The following CAP2 variants were observed in gnomAD, a reference collection of about 807,000 sequenced individuals.
CAP2 encodes the protein adenylyl cyclase-associated protein 2.
Under a neutral mutation model 57.7 loss-of-function variants are expected in CAP2, and 24 were observed. That is an observed-to-expected ratio of 0.42 (90% CI 0.30 to 0.58). The LOEUF is 0.58. Ranked by LOEUF, CAP2 falls within the 20% of genes least tolerant of loss-of-function variation. The pLI, the probability that CAP2 is intolerant of heterozygous loss-of-function variation, is 0.22. For missense variants in CAP2, 501 were observed against 590.3 expected, an observed-to-expected ratio of 0.85 and a Z score of 1.57; for synonymous variants, 194 against 207.2, an observed-to-expected ratio of 0.94 and a Z score of 0.55.
chr6:17,534,819 G>A (rs1330129101), intron 7 of CAP2, among the ~76,000 whole-genome samples: 1 of 152,148 alleles, frequency 6.6e-6, no homozygotes, highest in East Asian at 1.9e-4. Context: ...AAATCACCCT[G>A]AGGGGTCGTG....
intron 1 of CAP2, among the ~76,000 whole-genome samples, chr6:17,417,101 CA>C (rs1205353397): frequency 2.1e-5 from 3 of 141,610 alleles, no homozygotes; most frequent in East Asian, 2.1e-4. Context: ...TGTCTCAAAA[CA>C]AAAAACAAAC....
intron 4 of CAP2, among the ~76,000 whole-genome samples, chr6:17,478,666 C>A (rs1761216234): frequency 6.6e-6 from 1 of 152,092 alleles, no homozygotes; most frequent in African/African-American, 2.4e-5. Context: ...TCCTTCACTG[C>A]CTAAAATGTC....
chr6:17,412,536 T>C (rs935117638), intron 1 of CAP2, among the ~76,000 whole-genome samples: 1 of 152,172 alleles, frequency 6.6e-6, no homozygotes, highest in African/African-American at 2.4e-5. Flanking sequence ...GAGTTCTTTT[T>C]CCACTACATT....
chr6:17,431,318 G>T (rs772854969), intron 3 of CAP2, among the ~76,000 whole-genome samples: 1 of 151,918 alleles, frequency 6.6e-6, no homozygotes, highest in Non-Finnish European at 1.5e-5. Context: ...TTTAAAAAAA[G>T]ATATCGTTAA....
chr6:17,520,862 C>T (rs186636824), intron 7 of CAP2, among the ~76,000 whole-genome samples: 4 of 152,322 alleles, frequency 2.6e-5, no homozygotes, highest in Non-Finnish European at 4.4e-5. Context: ...TCATTTAGAA[C>T]TTGTACCAAA....
rs777803474 is a variant in CAP2, at chr6:17,406,398, C to CTTTTTT, written c.-2+12662_-2+12667dup. ...CTTTTCTGTCAGTAAGCCCAGATTT[C>CTTTTTT]TTTTTTTTTTTTTTTGAGGCAGTCT... On this transcript the variant is annotated intron_variant, in intron 1 of 12. Transcript: ENST00000229922. Among the ~76,000 whole-genome samples the CTTTTTT allele has an allele frequency of 2.1e-4, 22 of 102,480 alleles. 1 individual carries two copies. Among genetic ancestry groups the CTTTTTT allele is most frequent in the South Asian group, 1.6e-3 (5 of 3,186 alleles). 67.2% of individuals were successfully genotyped at this position (102,480 alleles called of 152,430 possible). A position where few individuals can be genotyped will look rare whatever the true frequency, so the allele number is the denominator to read the frequency against.
At chr6:17,475,851 C>T (rs148962330) in intron 4 of CAP2, among the ~76,000 whole-genome samples, 1 of 152,334 alleles carries the variant, frequency 6.6e-6, no homozygotes, top group East Asian at 1.9e-4. Context: ...GCTTGAACTA[C>T]AGAAACTGCA....
intron 4 of CAP2, among the ~76,000 whole-genome samples, chr6:17,488,814 T>C (rs1242867418): frequency 3.3e-5 from 5 of 152,234 alleles, no homozygotes; most frequent in African/African-American, 1.2e-4. Flanking sequence ...GGTCTTGAAT[T>C]ATACCCTCTG....
intron 4 of CAP2, among the ~76,000 whole-genome samples, chr6:17,492,907 A>G (rs528349724): frequency 1.1e-4 from 17 of 152,298 alleles, no homozygotes; most frequent in African/African-American, 4.1e-4. Flanking sequence ...TATGCCTGGC[A>G]CCTAGTAGGT....
chr6:17,419,745 G>A (rs1398142907), intron 1 of CAP2, among the ~76,000 whole-genome samples: 21 of 151,132 alleles, frequency 1.4e-4, no homozygotes, highest in Non-Finnish European at 4.4e-5. Context: ...GTGCAGTGGC[G>A]TGATCTCAGC....
In CAP2 at chr6:17,444,804, CCACACACACACACACA is replaced by C. The variant is rs142931025; in HGVS notation, c.222+18139_223-18152del. On this transcript the variant is annotated intron_variant, in intron 3 of 12. Coordinates refer to ENST00000229922, the MANE Select transcript of CAP2 (RefSeq NM_006366.3). ...TCTGTAGATTTTTGTTTCTCTCTCTCCACACACACACACACACACACACACACACACACACACACAA... is the reference window on the plus strand; with the variant it reads ...TCTGTAGATTTTTGTTTCTCTCTCTCCACACACACACACACACACACACAA... Among the ~76,000 whole-genome samples, 1,337 of 140,516 alleles carry C rather than the reference CCACACACACACACACA, an allele frequency of 9.5e-3. 17 individuals are homozygous for C. The highest frequency in any genetic ancestry group is 0.014 in the Middle Eastern group (4 of 286). 92.2% of individuals were successfully genotyped at this position (140,516 alleles called of 152,430 possible).
intron 3 of CAP2, among the ~76,000 whole-genome samples, chr6:17,439,637 C>A (rs1343489253): frequency 1.3e-5 from 2 of 151,444 alleles, no homozygotes; most frequent in African/African-American, 4.9e-5. Flanking sequence ...TAATGGGAGA[C>A]AGTGACAGAT....
At chr6:17,532,147 T>C in intron 7 of CAP2, among the ~76,000 whole-genome samples, 1 of 126,146 alleles carries the variant, frequency 7.9e-6, no homozygotes, top group Admixed American at 8.0e-5. Context: ...TTTTTTTTTT[T>C]TTTTTTTTTT....
rs188935106 is a variant in CAP2, at chr6:17,541,529, G to A, written c.1002+381G>A. Among the ~76,000 whole-genome samples the A allele has an allele frequency of 5.4e-4, 82 of 152,096 alleles. 1 individual carries two copies. The East Asian group carries it at 6.4e-3, about 12-fold the overall frequency. ...CGAGAGGTGGAGGTTGCAGCGAGCC[G>A]AGATCACGCCACTGCACTCCAGCCT... On this transcript the variant is annotated intron_variant, in intron 9 of 12. Transcript: ENST00000229922.
chr6:17,407,248 A>G (rs1759002363), intron 1 of CAP2, among the ~76,000 whole-genome samples: 1 of 152,174 alleles, frequency 6.6e-6, no homozygotes, highest in Non-Finnish European at 1.5e-5. Context: ...TTCAAAGAGC[A>G]AAAAAAGGAA....
intron 1 of CAP2, among the ~76,000 whole-genome samples, chr6:17,407,935 T>C (rs1268981234): frequency 6.6e-6 from 1 of 152,168 alleles, no homozygotes; most frequent in Non-Finnish European, 1.5e-5. Context: ...TAATTTCTAT[T>C]CATAAAACTG....
intron 11 of CAP2, among the ~76,000 whole-genome samples, chr6:17,547,738 G>T (rs1004945148): frequency 6.6e-6 from 1 of 151,930 alleles, no homozygotes; most frequent in African/African-American, 2.4e-5. Context: ...CTACTCAGGA[G>T]GCTGAGGCAG....
At chr6:17,472,603 A>G (rs1406599216) in intron 4 of CAP2, among the ~76,000 whole-genome samples, 1 of 152,208 alleles carries the variant, frequency 6.6e-6, no homozygotes, top group African/African-American at 2.4e-5. Context: ...TCCTTTTCCT[A>G]TGAGCCTTCC....
intron 4 of CAP2, among the ~76,000 whole-genome samples, chr6:17,502,116 G>C (rs1761839615): frequency 6.6e-6 from 1 of 152,222 alleles, no homozygotes; most frequent in Non-Finnish European, 1.5e-5. Context: ...TACCACCAAT[G>C]CACTCCCTTG....
Sources: allele counts gnomAD v4.1 joint callset (sites outside exome capture counted in the v4.1 genomes callset), GRCh38; gene constraint gnomAD v4.1.1; transcripts MANE v1.5; gene names NCBI Gene and HGNC (gene_info 2026-07-23, HGNC 2026-07-21).